Variants in MACROD2 observed in about 807,000 individuals in gnomAD.
MACROD2 encodes mono-ADP ribosylhydrolase 2.
MACROD2 carries 36 observed loss-of-function variants against 70.4 expected under a neutral mutation model. The ratio of observed to expected loss-of-function variants is 0.51; its 90% CI spans 0.39 to 0.68. MACROD2 has a LOEUF of 0.68. MACROD2 is among the 30% of genes least tolerant of loss of function. The pLI is 0.00. For missense variants in MACROD2, 496 were observed against 538.4 expected, an observed-to-expected ratio of 0.92 and a Z score of 0.78; for synonymous variants, 172 against 178.8, an observed-to-expected ratio of 0.96 and a Z score of 0.30.
At chr20:15,813,082 C>T (rs914180441) in intron 8 of MACROD2, among the ~76,000 whole-genome samples, 1 of 152,070 alleles carries the variant, frequency 6.6e-6, no homozygotes, top group Admixed American at 6.6e-5. Flanking sequence ...TATTAATTCC[C>T]TATGTCTTTA....
chr20:14,904,733 T>C (rs1223425740), intron 5 of MACROD2, among the ~76,000 whole-genome samples: 2 of 152,198 alleles, frequency 1.3e-5, no homozygotes, highest in Admixed American at 6.5e-5. Flanking sequence ...ACAATAGCTG[T>C]TTATCAAACT....
chr20:14,722,624 T>G (rs2071482980), intron 5 of MACROD2, among the ~76,000 whole-genome samples: 1 of 152,226 alleles, frequency 6.6e-6, no homozygotes, highest in African/African-American at 2.4e-5. Context: ...TGCTTTTTTA[T>G]TGAAATACAT....
chr20:15,401,152 C>T (rs6034173), intron 6 of MACROD2, among the ~76,000 whole-genome samples: 6,101 of 152,118 alleles, frequency 0.04, 378 homozygotes, highest in African/African-American at 0.14. Context: ...ATTCTCCTGC[C>T]TCAGCCTCCC....
At chr20:14,552,682 A>G (rs1978737777) in intron 4 of MACROD2, among the ~76,000 whole-genome samples, 1 of 152,156 alleles carries the variant, frequency 6.6e-6, no homozygotes, top group African/African-American at 2.4e-5. Context: ...CTCCTAGGCT[A>G]CAAACTTGTA....
At chr20:16,027,122 A>G (rs2067091832) in intron 15 of MACROD2, among the ~76,000 whole-genome samples, 1 of 135,430 alleles carries the variant, frequency 7.4e-6, no homozygotes, top group Non-Finnish European at 1.6e-5. Context: ...TTCTCCTAGT[A>G]GGAAAAAAAT....
intron 3 of MACROD2, among the ~76,000 whole-genome samples, chr20:14,099,587 C>G (rs543729885): frequency 2.6e-5 from 4 of 151,942 alleles, no homozygotes; most frequent in Admixed American, 2.0e-4. Flanking sequence ...TGTTGATGAG[C>G]GGCCTTAAGT....
intron 3 of MACROD2, among the ~76,000 whole-genome samples, chr20:14,166,360 T>C (rs918652720): frequency 8.6e-5 from 13 of 151,890 alleles, no homozygotes; most frequent in African/African-American, 3.1e-4. Context: ...GTGTGTGTTA[T>C]ACTTGCATCT....
At chr20:15,895,440 T>A (rs1269871616) in intron 10 of MACROD2, among the ~76,000 whole-genome samples, 1 of 152,152 alleles carries the variant, frequency 6.6e-6, no homozygotes, top group African/African-American at 2.4e-5. Flanking sequence ...AAATAAAAAG[T>A]AAAGATAGCT....
chr20:15,383,970 C>T (rs2045677986), intron 6 of MACROD2, among the ~76,000 whole-genome samples: 1 of 151,936 alleles, frequency 6.6e-6, no homozygotes, highest in Admixed American at 6.6e-5. Flanking sequence ...AATGGGAAAT[C>T]TGGTAAATGG....
intron 4 of MACROD2, among the ~76,000 whole-genome samples, chr20:14,498,230 T>A (rs1279033559): frequency 6.7e-6 from 1 of 148,720 alleles, no homozygotes; most frequent in Non-Finnish European, 1.5e-5. Flanking sequence ...ATCTCAGCCT[T>A]TGCCATTACA....
intron 2 of MACROD2, among the ~76,000 whole-genome samples, chr20:14,034,196 G>T (rs528796230): frequency 6.6e-6 from 1 of 152,010 alleles, no homozygotes; most frequent in Admixed American, 6.5e-5. Context: ...GGATGGCTAC[G>T]ATCTCCTGAC....
intron 4 of MACROD2, among the ~76,000 whole-genome samples, chr20:14,596,253 C>G (rs1416856926): frequency 6.6e-6 from 1 of 151,564 alleles, no homozygotes; most frequent in African/African-American, 2.4e-5. Context: ...CCAAGCCCGG[C>G]TGATTTTTTG....
At chr20:14,819,477 C>T (rs2072814942) in intron 5 of MACROD2, among the ~76,000 whole-genome samples, 1 of 151,920 alleles carries the variant, frequency 6.6e-6, no homozygotes, top group African/African-American at 2.4e-5. Flanking sequence ...GGCCCAGCCA[C>T]TTAGCTAGGC....
intron 4 of MACROD2, among the ~76,000 whole-genome samples, chr20:14,665,096 A>G (rs954027020): frequency 1.3e-5 from 2 of 152,168 alleles, no homozygotes; most frequent in Non-Finnish European, 2.9e-5. Context: ...AGATGTCATC[A>G]TTATTACAGG....
chr20:15,734,733 C>T (rs2050996213), intron 8 of MACROD2, among the ~76,000 whole-genome samples: 1 of 152,040 alleles, frequency 6.6e-6, no homozygotes, highest in Non-Finnish European at 1.5e-5. Flanking sequence ...TAGAAATTTC[C>T]TTTAATTAAC....
chr20:14,676,438 A>G (rs2070862591), intron 4 of MACROD2, among the ~76,000 whole-genome samples: 1 of 152,238 alleles, frequency 6.6e-6, no homozygotes, highest in Non-Finnish European at 1.5e-5. Flanking sequence ...AACTACATGG[A>G]AACTGAACAA....
rs1479711129 is a variant in MACROD2 at position 14,766,442 on chromosome 20, A to G, written c.418+81483A>G. ...ACACTTGGTGGTAAAAGGCAATTTT[A>G]TGGCAGCGCCAGGAAGAAAAAGAGG... On this transcript the variant is annotated intron_variant, in intron 5 of 17. Coordinates refer to ENST00000684519, the MANE Select transcript of MACROD2 (RefSeq NM_001351661.2). Among the ~76,000 whole-genome samples the G allele has an allele frequency of 2.6e-5, 4 of 152,238 alleles. No individual in the cohort carries two copies. The East Asian group carries it at 5.8e-4, about 22-fold the overall frequency.
chr20:15,543,838 T>C (rs1405266423), intron 8 of MACROD2, among the ~76,000 whole-genome samples: 1 of 152,246 alleles, frequency 6.6e-6, no homozygotes, highest in Non-Finnish European at 1.5e-5. Context: ...ACCTGTCTTT[T>C]ATCCGTTTCC....
At chr20:14,873,820 T>G (rs1170549408) in intron 5 of MACROD2, among the ~76,000 whole-genome samples, 2 of 151,994 alleles carry the variant, frequency 1.3e-5, no homozygotes, top group Non-Finnish European at 2.9e-5. Context: ...GACTGCGCCA[T>G]TGCACTCCAG....
Sources: allele counts gnomAD v4.1 joint callset (sites outside exome capture counted in the v4.1 genomes callset), GRCh38; gene constraint gnomAD v4.1.1; transcripts MANE v1.5; gene names NCBI Gene and HGNC (gene_info 2026-07-23, HGNC 2026-07-21).